Variants in VPS13B observed in about 807,000 individuals in gnomAD.
VPS13B encodes vacuolar protein sorting 13 homolog B, also known as intermembrane lipid transfer protein VPS13B.
A neutral mutation model predicts 426.4 loss-of-function variants in VPS13B; 285 were observed. That is an observed-to-expected ratio of 0.67 (90% CI 0.61 to 0.74). The LOEUF (loss-of-function observed/expected upper bound fraction) is 0.74, where lower values mean the gene tolerates loss of function less well. VPS13B is among the 30% of genes least tolerant of loss of function. VPS13B has a pLI of 0.00. For synonymous variants in VPS13B, 1,676 were observed against 1,676.4 expected (o/e 1.00, Z 0.01); for missense variants, 4,537 against 4,782.6 (o/e 0.95, Z 1.51).
Position 99,429,254 on chromosome 8 carries a change from C to A in VPS13B, c.3083-2283C>A, listed in dbSNP as rs543404421. Among the ~76,000 whole-genome samples the A allele has an allele frequency of 7.6e-5, 11 of 144,998 alleles. No homozygotes were observed. In the South Asian group the frequency reaches 2.2e-3, roughly 29 times the overall value. ...ATGTAACAAACCTGCACGTTGTGCA[C>A]ATGTACCCTAAAACTTAAAGTATAA... On this transcript the variant is annotated intron_variant, in intron 21 of 61. Transcript: ENST00000357162.
intron 2 of VPS13B, among the ~76,000 whole-genome samples, chr8:99,031,587 G>T (rs1265424779): frequency 6.6e-6 from 1 of 152,154 alleles, no homozygotes; most frequent in Non-Finnish European, 1.5e-5. Flanking sequence ...TACAGTACTG[G>T]TTGAGTAGGG....
chr8:99,470,547 G>A (rs942936394), intron 24 of VPS13B, among the ~76,000 whole-genome samples: 15 of 152,092 alleles, frequency 9.9e-5, no homozygotes, highest in Admixed American at 3.3e-4. Flanking sequence ...GGAGATGATA[G>A]AAGAAAGAGT....
chr8:99,582,592 TGTA>T (rs1268450425), intron 33 of VPS13B, among the ~76,000 whole-genome samples: 2 of 152,220 alleles, frequency 1.3e-5, no homozygotes, highest in African/African-American at 4.8e-5. Flanking sequence ...AGTGAATTAA[TGTA>T]GTGTGATAAT....
intron 30 of VPS13B, among the ~76,000 whole-genome samples, chr8:99,537,591 G>A (rs567433203): frequency 2.0e-5 from 3 of 152,276 alleles, no homozygotes; most frequent in Admixed American, 6.5e-5. Context: ...AACAGAAGTT[G>A]CCCTCCTCTT....
chr8:99,111,003 A>G (rs1383392111), intron 5 of VPS13B, 95 bp from the exon 6 acceptor site: 2 of 938,860 alleles, frequency 2.1e-6, no homozygotes, highest in African/African-American at 1.7e-5. Flanking sequence ...ATTTTCTGTT[A>G]TTATTAATTT....
intron 39 of VPS13B, among the ~76,000 whole-genome samples, chr8:99,761,680 A>G (rs1238447038): frequency 6.6e-6 from 1 of 152,352 alleles, no homozygotes; most frequent in Middle Eastern, 3.4e-3. Context: ...AAAAGATTAC[A>G]TTGAACTTTA....
intron 29 of VPS13B, 79 bp downstream of exon 29, chr8:99,511,591 C>A (rs1285458370): frequency 2.1e-6 from 3 of 1,452,868 alleles, no homozygotes; most frequent in African/African-American, 2.9e-5. Flanking sequence ...TTTTTTGTTT[C>A]TTTTAAAAAA....
chr8:99,754,776 T>C (rs1299080361), intron 39 of VPS13B, among the ~76,000 whole-genome samples: 2 of 152,222 alleles, frequency 1.3e-5, no homozygotes, highest in African/African-American at 4.8e-5. Flanking sequence ...ACTTTTACTT[T>C]GTTAATGACA....
intron 33 of VPS13B, among the ~76,000 whole-genome samples, chr8:99,592,163 A>G (rs1292851585): frequency 1.3e-5 from 2 of 151,948 alleles, no homozygotes; most frequent in African/African-American, 2.4e-5. Context: ...TTTCAGCTCC[A>G]TCAGGTCATT....
At chr8:99,405,481 T>C (rs1233863646) in intron 21 of VPS13B, among the ~76,000 whole-genome samples, 3 of 152,190 alleles carry the variant, frequency 2.0e-5, no homozygotes, top group Non-Finnish European at 4.4e-5. Context: ...TGTAAGTATA[T>C]GCTAACTAGT....
chr8:99,250,639 C>G (rs1817450548), intron 17 of VPS13B, among the ~76,000 whole-genome samples: 1 of 117,902 alleles, frequency 8.5e-6, no homozygotes, highest in Non-Finnish European at 1.8e-5. Context: ...GTTCTTCATT[C>G]TGTCCACTAA....
intron 54 of VPS13B, among the ~76,000 whole-genome samples, chr8:99,848,569 C>T (rs1352956547): frequency 6.6e-6 from 1 of 152,112 alleles, no homozygotes; most frequent in Non-Finnish European, 1.5e-5. Context: ...ATGAACCTTA[C>T]AGCTGAATAT....
chr8:99,552,898 A>G (rs7837577), intron 30 of VPS13B, among the ~76,000 whole-genome samples: 2 of 151,922 alleles, frequency 1.3e-5, no homozygotes, highest in African/African-American at 4.8e-5. Flanking sequence ...ATAGTGCTCT[A>G]TGTAATTTTG....
intron 22 of VPS13B, among the ~76,000 whole-genome samples, chr8:99,441,174 A>G (rs1817659893): frequency 6.6e-6 from 1 of 152,046 alleles, no homozygotes; most frequent in South Asian, 2.1e-4. Flanking sequence ...GCAAAATTTT[A>G]CCTGTATTTT....
chr8:99,071,331 A>G (rs992606530), intron 3 of VPS13B, among the ~76,000 whole-genome samples: 1 of 152,130 alleles, frequency 6.6e-6, no homozygotes, highest in Non-Finnish European at 1.5e-5. Flanking sequence ...AAGCCTAGTA[A>G]TGCTGTGACT....
chr8:99,202,714 T>C (rs1814404103), intron 17 of VPS13B, among the ~76,000 whole-genome samples: 1 of 152,108 alleles, frequency 6.6e-6, no homozygotes, highest in South Asian at 2.1e-4. Flanking sequence ...AGCATCATCC[T>C]GATACCAAAA....
chr8:99,824,019 A>C, intron 51 of VPS13B, 41 bp downstream of exon 51: 1 of 1,600,420 alleles, frequency 6.2e-7, no homozygotes, highest in Non-Finnish European at 8.5e-7. Context: ...AGTTTTGATA[A>C]AGAAACAATA....
At chr8:99,351,181 T>C (rs1811859190) in intron 19 of VPS13B, among the ~76,000 whole-genome samples, 1 of 152,190 alleles carries the variant, frequency 6.6e-6, no homozygotes, top group African/African-American at 2.4e-5. Flanking sequence ...CCTAAATGTA[T>C]CTTTTCTCTT....
At chr8:99,575,545 A>G in intron 31 of VPS13B, 113 bp from the exon 32 acceptor site, 1 of 1,342,988 alleles carries the variant, frequency 7.4e-7, no homozygotes, top group Non-Finnish European at 1.0e-6. Context: ...CACTCTCAAA[A>G]TAATAATGTA....
Sources: allele counts gnomAD v4.1 joint callset (sites outside exome capture counted in the v4.1 genomes callset), GRCh38; gene constraint gnomAD v4.1.1; transcripts MANE v1.5; gene names NCBI Gene and HGNC (gene_info 2026-07-23, HGNC 2026-07-21).